Variants in LHFPL3 observed in about 807,000 individuals in gnomAD.
LHFPL3 encodes the protein LHFPL tetraspan subfamily member 3, also known as LHFPL tetraspan subfamily member 3 protein.
A neutral mutation model predicts 19.3 loss-of-function variants in LHFPL3; 5 were observed. The ratio of observed to expected loss-of-function variants is 0.26; its 90% CI spans 0.14 to 0.54. The LOEUF is 0.54. Ranked by LOEUF, LHFPL3 falls within the 20% of genes least tolerant of loss-of-function variation. LHFPL3 has a pLI of 0.94. For missense variants in LHFPL3, 249 were observed against 307.4 expected (o/e 0.81, Z 1.42); for synonymous variants, 133 against 126.2 (o/e 1.05, Z -0.36).
At chr7:104,409,580 C>T (rs886971848) in intron 1 of LHFPL3, among the ~76,000 whole-genome samples, 4 of 151,952 alleles carry the variant, frequency 2.6e-5, no homozygotes, top group African/African-American at 4.8e-5. Flanking sequence ...CATGCCACTG[C>T]ACTCCAGCCT....
intron 1 of LHFPL3, among the ~76,000 whole-genome samples, chr7:104,624,468 C>T (rs1390297537): frequency 6.6e-6 from 1 of 152,180 alleles, no homozygotes; most frequent in Non-Finnish European, 1.5e-5. Context: ...CCAAGCTCTA[C>T]AGAGACTCAT....
chr7:104,784,759 T>A (rs1789877556), intron 2 of LHFPL3, among the ~76,000 whole-genome samples: 1 of 152,220 alleles, frequency 6.6e-6, no homozygotes. Context: ...TTTCATGTCA[T>A]AGGCTGCCAC....
chr7:104,649,704 G>T (rs1021276774), intron 1 of LHFPL3, among the ~76,000 whole-genome samples: 1 of 152,190 alleles, frequency 6.6e-6, no homozygotes, highest in Admixed American at 6.5e-5. Context: ...GGAAGGATTT[G>T]TGTGGGACTA....
At chr7:104,843,804 A>T (rs1791259605) in intron 2 of LHFPL3, among the ~76,000 whole-genome samples, 1 of 152,188 alleles carries the variant, frequency 6.6e-6, no homozygotes, top group Non-Finnish European at 1.5e-5. Context: ...GAGGTATTGG[A>T]GGGGAAGGAA....
chr7:104,417,377 T>A (rs748561201), intron 1 of LHFPL3, among the ~76,000 whole-genome samples: 13 of 152,188 alleles, frequency 8.5e-5, no homozygotes, highest in Non-Finnish European at 1.6e-4. Context: ...ATATTCCCAA[T>A]ATTAAGTGAT....
intron 1 of LHFPL3, among the ~76,000 whole-genome samples, chr7:104,522,393 G>T (rs1364009379): frequency 1.5e-4 from 12 of 77,920 alleles, no homozygotes; most frequent in Non-Finnish European, 2.7e-4. Context: ...GTTGTGGGGT[G>T]GGGGGAGGGG....
intron 1 of LHFPL3, among the ~76,000 whole-genome samples, chr7:104,597,603 T>C (rs546897688): frequency 6.6e-6 from 1 of 152,322 alleles, no homozygotes; most frequent in African/African-American, 2.4e-5. Flanking sequence ...TGAAAGGAAG[T>C]ATAATCCTTA....
At chr7:104,463,674 A>C (rs1041442087) in intron 1 of LHFPL3, among the ~76,000 whole-genome samples, 3 of 152,200 alleles carry the variant, frequency 2.0e-5, no homozygotes, top group Non-Finnish European at 4.4e-5. Context: ...AAAGCAGAGA[A>C]AAGCCCCTTA....
chr7:104,345,640 G>A (rs995926034), intron 1 of LHFPL3, among the ~76,000 whole-genome samples: 1 of 151,966 alleles, frequency 6.6e-6, no homozygotes. Flanking sequence ...TATTTCAATG[G>A]CATGGTTTAT....
intron 1 of LHFPL3, among the ~76,000 whole-genome samples, chr7:104,512,491 C>T (rs185081905): frequency 9.6e-4 from 146 of 151,892 alleles, no homozygotes; most frequent in Middle Eastern, 3.4e-3. Context: ...AATCCCAACA[C>T]TTTGGGAGGC....
chr7:104,612,958 A>G (rs1291185543), intron 1 of LHFPL3, among the ~76,000 whole-genome samples: 1 of 152,204 alleles, frequency 6.6e-6, no homozygotes, highest in African/African-American at 2.4e-5. Context: ...TATGATTGAG[A>G]GGTGGAATTG....
At chr7:104,615,114 A>G (rs561429143) in intron 1 of LHFPL3, among the ~76,000 whole-genome samples, 1 of 152,242 alleles carries the variant, frequency 6.6e-6, no homozygotes, top group South Asian at 2.1e-4. Flanking sequence ...ATATATACTA[A>G]AAGTCTATAC....
At chr7:104,851,616 C>T (rs1249024762) in intron 2 of LHFPL3, among the ~76,000 whole-genome samples, 1 of 152,146 alleles carries the variant, frequency 6.6e-6, no homozygotes, top group Non-Finnish European at 1.5e-5. Flanking sequence ...CCCAACTCTC[C>T]TCAACACAGC....
In LHFPL3 at chr7:104,668,660, G is replaced by C. The variant is rs1792408459; in HGVS notation, c.446-68015G>C. On this transcript the variant is annotated intron_variant, in intron 1 of 2. Coordinates refer to ENST00000424859, the MANE Select transcript of LHFPL3 (RefSeq NM_199000.3). ...ACCAATATGACAGACGGGATGATCG[G>C]TCGTGGAGCTCCAGAGATGATTACT... The C allele has an allele frequency of 3.3e-5, 53 of 1,612,174 alleles. No homozygotes were observed. In the South Asian group the frequency reaches 5.6e-4, roughly 17 times the overall value.
chr7:104,607,067 A>T (rs2115728758), intron 1 of LHFPL3, among the ~76,000 whole-genome samples: 1 of 152,374 alleles, frequency 6.6e-6, no homozygotes, highest in East Asian at 1.9e-4. Context: ...GCAGTAAGGG[A>T]TAATAGAAAC....
intron 2 of LHFPL3, among the ~76,000 whole-genome samples, chr7:104,764,419 C>T (rs186450264): frequency 1.3e-5 from 2 of 152,270 alleles, no homozygotes; most frequent in Non-Finnish European, 2.9e-5. Context: ...GATCCACCCG[C>T]CTTGGCCTCC....
intron 2 of LHFPL3, among the ~76,000 whole-genome samples, chr7:104,824,280 A>T (rs1278274643): frequency 6.1e-5 from 1 of 16,450 alleles, no homozygotes; most frequent in Non-Finnish European, 1.0e-4. Context: ...ATTATATACA[A>T]TATATATAAT....
chr7:104,695,879 C>G (rs1449821170), intron 1 of LHFPL3, among the ~76,000 whole-genome samples: 1 of 152,184 alleles, frequency 6.6e-6, no homozygotes. Flanking sequence ...GATCCTTGCT[C>G]CCTCATTTTC....
intron 1 of LHFPL3, among the ~76,000 whole-genome samples, chr7:104,474,402 C>T (rs977752297): frequency 1.3e-5 from 2 of 152,066 alleles, no homozygotes; most frequent in Non-Finnish European, 2.9e-5. Flanking sequence ...CGGTGTCTCA[C>T]GCCTGTAATC....
Sources: allele counts gnomAD v4.1 joint callset (sites outside exome capture counted in the v4.1 genomes callset), GRCh38; gene constraint gnomAD v4.1.1; transcripts MANE v1.5; gene names NCBI Gene and HGNC (gene_info 2026-07-23, HGNC 2026-07-21).